Variants in CCNYL1 observed in about 807,000 individuals in gnomAD.
CCNYL1 encodes the protein cyclin Y like 1.
In CCNYL1, 16 loss-of-function variants were observed where a neutral mutation model predicts 44.2. The ratio of observed to expected loss-of-function variants is 0.36; its 90% CI spans 0.25 to 0.55. CCNYL1 has a LOEUF of 0.55. Ranked by LOEUF, CCNYL1 falls within the 20% of genes least tolerant of loss-of-function variation. CCNYL1 has a pLI of 0.85. For missense variants in CCNYL1, 348 were observed against 451.8 expected (o/e 0.77, Z 2.08); for synonymous variants, 159 against 163.2 (o/e 0.97, Z 0.20).
At position 207,754,112 on chromosome 2, in the gene CCNYL1, C is replaced by G. The variant is rs147075629; in HGVS notation, c.*414C>G. ...CTCCCCCCGCATTTTGCTGCATATGCCTTTAAAATCAATGCAGTATTACCA... is the reference window on the plus strand; with the variant it reads ...CTCCCCCCGCATTTTGCTGCATATGGCTTTAAAATCAATGCAGTATTACCA... On this transcript the variant is annotated 3_prime_UTR_variant, in exon 10 of 10. Coordinates refer to ENST00000295414, the MANE Select transcript of CCNYL1 (RefSeq NM_001330218.2). 4.2e-3 allele frequency: 660 copies of G among 155,986 alleles called. 2 individuals carry two copies. Among genetic ancestry groups the G allele is most frequent in the African/African-American group, 0.015 (608 of 41,636 alleles). 9.7% of individuals were successfully genotyped at this position (155,986 alleles called of 1,614,324 possible). A position where few individuals can be genotyped will look rare whatever the true frequency, so the allele number is the denominator to read the frequency against.
chr2:207,718,582 A>G (rs2105818323), intron 1 of CCNYL1, among the ~76,000 whole-genome samples: 2 of 152,354 alleles, frequency 1.3e-5, no homozygotes, highest in Middle Eastern at 6.8e-3. Flanking sequence ...AAATAAATGC[A>G]GATGATCCTT....
chr2:207,744,211 G>A (rs2091835286), intron 7 of CCNYL1, among the ~76,000 whole-genome samples: 1 of 150,038 alleles, frequency 6.7e-6, no homozygotes, highest in Non-Finnish European at 1.5e-5. Context: ...CAAGTGCCAA[G>A]ACTAGACAGG....
intron 7 of CCNYL1, among the ~76,000 whole-genome samples, chr2:207,743,369 T>G (rs2105837275): frequency 6.6e-6 from 1 of 152,298 alleles, no homozygotes; most frequent in South Asian, 2.1e-4. Flanking sequence ...ATCATTTGAA[T>G]GTACCGGACT....
Position 207,747,170 on chromosome 2 carries a change from G to T in CCNYL1, c.763G>T (p.Val255Leu). 5 of 1,614,034 alleles carry T rather than the reference G, an allele frequency of 3.1e-6. No homozygotes were observed. Among genetic ancestry groups the T allele is most frequent in the Non-Finnish European group, 4.2e-6 (5 of 1,179,940 alleles). ...TTGGGACGATCAGGCTGTATGGAAT[G>T]TGGACTACTGCCAGATCCTCAAGGA... ...KVWDDQAVWNVDYCQILKDIT... is the reference protein window; with the variant it reads ...KVWDDQAVWNLDYCQILKDIT... The change falls in exon 8 of 10, where the codon GTG becomes TTG. Residue 255 changes from valine to leucine, a missense_variant. Transcript: ENST00000295414.
chr2:207,735,660 G>C (rs969199514), intron 4 of CCNYL1, among the ~76,000 whole-genome samples: 1 of 152,204 alleles, frequency 6.6e-6, no homozygotes, highest in Admixed American at 6.5e-5. Flanking sequence ...GAGCTCAGGA[G>C]TTTGAGACCA....
chr2:207,742,844 C>T (rs376019550), intron 7 of CCNYL1, among the ~76,000 whole-genome samples: 1 of 152,120 alleles, frequency 6.6e-6, no homozygotes, highest in South Asian at 2.1e-4. Flanking sequence ...TGTGCCTGCT[C>T]GTGATGTTGC....
chr2:207,715,709 T>C (rs1402553991), intron 1 of CCNYL1, among the ~76,000 whole-genome samples: 11 of 127,356 alleles, frequency 8.6e-5, no homozygotes, highest in East Asian at 4.8e-4. Context: ...GGAGTTTCGC[T>C]CTTGTTGCTC....
intron 7 of CCNYL1, among the ~76,000 whole-genome samples, chr2:207,745,719 T>C (rs1218564714): frequency 2.0e-5 from 3 of 152,096 alleles, no homozygotes; most frequent in Non-Finnish European, 4.4e-5. Context: ...GAGGCTGAGG[T>C]GGGCAGATCA....
chr2:207,722,465 G>A (rs767532015), intron 1 of CCNYL1, among the ~76,000 whole-genome samples: 9 of 151,596 alleles, frequency 5.9e-5, no homozygotes, highest in Non-Finnish European at 1.3e-4. Context: ...GGCGGGGGAG[G>A]TGTGTGTGTG....
chr2:207,755,635 G>A lies in CCNYL1; in HGVS notation c.*1937G>A, dbSNP rs1324341692. The A allele has an allele frequency of 6.6e-6, 1 of 152,186 alleles. No homozygotes were observed. Among genetic ancestry groups the A allele is most frequent in the Admixed American group, 6.5e-5 (1 of 15,288 alleles). The allele number at this position is 152,186 out of a possible 1,614,324, so 9.4% of individuals were successfully genotyped here. On this transcript the variant is annotated 3_prime_UTR_variant, in exon 10 of 10. Transcript: ENST00000295414. Reference sequence around the variant, plus strand: ...TAAAAGGAATTGGACCCTAATTATAGAAGGTGATATGAACAGCTGTTTTAT... The same window carrying A: ...TAAAAGGAATTGGACCCTAATTATAAAAGGTGATATGAACAGCTGTTTTAT...
At chr2:207,728,183 C>G (rs544694978) in intron 3 of CCNYL1, among the ~76,000 whole-genome samples, 1 of 151,876 alleles carries the variant, frequency 6.6e-6, no homozygotes, top group Non-Finnish European at 1.5e-5. Context: ...AGGCTGGTCT[C>G]GAACTCCTGA....
chr2:207,718,958 G>A (rs1414468850), intron 1 of CCNYL1, among the ~76,000 whole-genome samples: 2 of 150,802 alleles, frequency 1.3e-5, no homozygotes, highest in Admixed American at 6.6e-5. Flanking sequence ...CCACACAGAG[G>A]AGAATTATGG....
At chr2:207,751,631 G>T (rs2091891681) in intron 9 of CCNYL1, among the ~76,000 whole-genome samples, 1 of 152,132 alleles carries the variant, frequency 6.6e-6, no homozygotes, top group Admixed American at 6.6e-5. Flanking sequence ...GAGGAGGGCA[G>T]ATCACCTGAG....
intron 1 of CCNYL1, among the ~76,000 whole-genome samples, chr2:207,713,616 C>G (rs750483556): frequency 1.3e-5 from 2 of 152,110 alleles, no homozygotes; most frequent in Non-Finnish European, 2.9e-5. Context: ...ATCCAGTGGG[C>G]TCATTTGTTT....
At chr2:207,732,212 CACA>C (rs763635998) in intron 3 of CCNYL1, among the ~76,000 whole-genome samples, 3 of 152,132 alleles carry the variant, frequency 2.0e-5, no homozygotes, top group Non-Finnish European at 4.4e-5. Context: ...AGCACACATA[CACA>C]GTTAATGTAA....
chr2:207,737,374 A>G (rs746825618), intron 4 of CCNYL1, 37 bp from the exon 5 acceptor site: 1 of 1,519,174 alleles, frequency 6.6e-7, no homozygotes, highest in Non-Finnish European at 9.1e-7. Flanking sequence ...AAATGTTTAA[A>G]TCAGTTGTTA....
At chr2:207,720,595 A>G (rs1297034596) in intron 1 of CCNYL1, among the ~76,000 whole-genome samples, 1 of 152,094 alleles carries the variant, frequency 6.6e-6, no homozygotes, top group Non-Finnish European at 1.5e-5. Context: ...AAATTTTTGT[A>G]GAGATGGGGG....
chr2:207,724,414 G>T (rs1177865578), intron 1 of CCNYL1, among the ~76,000 whole-genome samples: 1 of 152,200 alleles, frequency 6.6e-6, no homozygotes, highest in Non-Finnish European at 1.5e-5. Context: ...ACAGTAACTG[G>T]CCACAGCATC....
chr2:207,714,222 A>T (rs2105815000), intron 1 of CCNYL1: 1 of 378,392 alleles, frequency 2.6e-6, no homozygotes, highest in African/African-American at 2.1e-5. Context: ...TTTTACCCAT[A>T]AAATAGTCCT....
Sources: allele counts gnomAD v4.1 joint callset (sites outside exome capture counted in the v4.1 genomes callset), GRCh38; gene constraint gnomAD v4.1.1; transcripts MANE v1.5; gene names NCBI Gene and HGNC (gene_info 2026-07-23, HGNC 2026-07-21).